Variants in ROBO2 observed in about 807,000 individuals in gnomAD.
The protein encoded by ROBO2 is roundabout guidance receptor 2, also known as roundabout homolog 2.
A neutral mutation model predicts 160.8 loss-of-function variants in ROBO2; 53 were observed. The observed-to-expected ratio is 0.33, with a 90% CI of 0.26 to 0.41. The LOEUF (loss-of-function observed/expected upper bound fraction) is 0.41, where lower values mean the gene tolerates loss of function less well. ROBO2 is among the 10% of genes least tolerant of loss of function. ROBO2 has a pLI of 1.00. For synonymous variants in ROBO2, 664 were observed against 611.7 expected (o/e 1.09, Z -1.26); for missense variants, 1,577 against 1,722.4 (o/e 0.92, Z 1.49).
intron 1 of ROBO2, among the ~76,000 whole-genome samples, chr3:77,092,598 ATATTTTAATATATAT>A (rs905897848): frequency 5.3e-5 from 4 of 75,840 alleles, no homozygotes; most frequent in African/African-American, 1.7e-4. Context: ...TAAATAATAT[ATATTTTAATATATAT>A]TATTATATAT....
intron 2 of ROBO2, among the ~76,000 whole-genome samples, chr3:77,029,099 T>G (rs1204409383): frequency 6.6e-6 from 1 of 152,162 alleles, no homozygotes; most frequent in Non-Finnish European, 1.5e-5. Context: ...AGACTGAAAG[T>G]AACAGACTGA....
chr3:76,272,820 T>A (rs1413833466), intron 2 of ROBO2, among the ~76,000 whole-genome samples: 10 of 14,430 alleles, frequency 6.9e-4, no homozygotes, highest in East Asian at 4.1e-3. Context: ...TAATATGTAT[T>A]TATATATAAA....
intron 2 of ROBO2, among the ~76,000 whole-genome samples, chr3:77,321,808 G>A (rs373745954): frequency 3.3e-5 from 5 of 152,096 alleles, no homozygotes; most frequent in African/African-American, 1.2e-4. Flanking sequence ...AAAGAGATGA[G>A]TACTAATGGA....
chr3:76,275,641 C>T (rs138477734), intron 2 of ROBO2, among the ~76,000 whole-genome samples: 50 of 152,212 alleles, frequency 3.3e-4, no homozygotes, highest in East Asian at 2.9e-3. Context: ...TCTATTTAAT[C>T]AGATATTAGT....
chr3:76,617,198 TC>T (rs1298406479), intron 2 of ROBO2, among the ~76,000 whole-genome samples: 1 of 152,076 alleles, frequency 6.6e-6, no homozygotes, highest in African/African-American at 2.4e-5. Context: ...AGAGATCATC[TC>T]CCCGAAACCT....
chr3:76,161,288 G>A (rs1238060005), intron 2 of ROBO2, among the ~76,000 whole-genome samples: 1 of 152,078 alleles, frequency 6.6e-6, no homozygotes, highest in Non-Finnish European at 1.5e-5. Flanking sequence ...AAGGAAAAAA[G>A]AACAACTCTT....
intron 2 of ROBO2, among the ~76,000 whole-genome samples, chr3:76,986,800 A>G (rs1454287087): frequency 6.6e-6 from 1 of 152,188 alleles, no homozygotes; most frequent in Non-Finnish European, 1.5e-5. Context: ...ATTTTATATT[A>G]CATGCGTATA....
At chr3:76,033,676 T>C (rs969570742) in intron 2 of ROBO2, among the ~76,000 whole-genome samples, 1 of 152,124 alleles carries the variant, frequency 6.6e-6, no homozygotes, top group Admixed American at 6.5e-5. Context: ...GAGACAGCAA[T>C]ATGGGCAGGA....
intron 6 of ROBO2, among the ~76,000 whole-genome samples, chr3:77,541,553 AC>A (rs1553653096): frequency 6.6e-6 from 1 of 152,148 alleles, no homozygotes; most frequent in Non-Finnish European, 1.5e-5. Flanking sequence ...ATCTTAATTG[AC>A]CTTTTTATAT....
intron 2 of ROBO2, among the ~76,000 whole-genome samples, chr3:76,696,540 C>G (rs950863348): frequency 3.9e-5 from 6 of 152,116 alleles, no homozygotes; most frequent in Non-Finnish European, 8.8e-5. Context: ...CTGCCCTTAA[C>G]TGAGTCATTG....
chr3:75,933,370 A>C (rs1185281713), intron 1 of ROBO2, among the ~76,000 whole-genome samples: 1 of 152,120 alleles, frequency 6.6e-6, no homozygotes. Flanking sequence ...GTGATCAGAG[A>C]GGTTGCTTTA....
At chr3:76,711,058 T>C (rs540044613) in intron 2 of ROBO2, among the ~76,000 whole-genome samples, 1 of 152,332 alleles carries the variant, frequency 6.6e-6, no homozygotes, top group South Asian at 2.1e-4. Context: ...ATTTATATTA[T>C]TGCTATCGCT....
chr3:77,298,175 C>T (rs547441943), intron 2 of ROBO2, among the ~76,000 whole-genome samples: 9 of 152,218 alleles, frequency 5.9e-5, no homozygotes, highest in African/African-American at 1.9e-4. Flanking sequence ...AAATTCTCAG[C>T]ATGAATTGAA....
intron 2 of ROBO2, among the ~76,000 whole-genome samples, chr3:76,629,434 GC>G (rs1356289782): frequency 6.6e-6 from 1 of 152,148 alleles, no homozygotes; most frequent in African/African-American, 2.4e-5. Context: ...GAGCAAAGAA[GC>G]CAGTCCAAGT....
intron 6 of ROBO2, among the ~76,000 whole-genome samples, chr3:77,540,518 T>C (rs1240081837): frequency 6.7e-6 from 1 of 149,590 alleles, no homozygotes; most frequent in Non-Finnish European, 1.5e-5. Context: ...AGCTGAACAA[T>C]GTGAACACAT....
chr3:76,018,023 T>C (rs1212008113), intron 2 of ROBO2, among the ~76,000 whole-genome samples: 2 of 152,090 alleles, frequency 1.3e-5, no homozygotes, highest in African/African-American at 4.8e-5. Flanking sequence ...CTAAAAAGCT[T>C]GTGTTTTCTC....
intron 2 of ROBO2, among the ~76,000 whole-genome samples, chr3:76,946,877 CG>C (rs2078583630): frequency 6.6e-6 from 1 of 152,164 alleles, no homozygotes. Context: ...GGCTGTAAGC[CG>C]GGGACAAAGA....
At chr3:77,555,574 C>T (rs1458344131) in intron 8 of ROBO2, among the ~76,000 whole-genome samples, 2 of 111,484 alleles carry the variant, frequency 1.8e-5, no homozygotes, top group Non-Finnish European at 3.8e-5. Context: ...TGTATTTCTT[C>T]TTTCCTTTTG....
At chr3:76,236,860 C>T (rs1308630948) in intron 2 of ROBO2, among the ~76,000 whole-genome samples, 2 of 151,740 alleles carry the variant, frequency 1.3e-5, no homozygotes, top group African/African-American at 4.8e-5. Context: ...AAATATAACC[C>T]TAAGGTATAT....
Sources: gnomAD v4.1 joint callset for allele counts (sites outside exome capture counted in the v4.1 genomes callset) on GRCh38, gnomAD v4.1.1 for gene constraint, MANE v1.5 for transcripts, NCBI Gene and HGNC (gene_info 2026-07-23, HGNC 2026-07-21) for gene names.